Variants in OGDH observed in about 807,000 individuals in gnomAD.
OGDH encodes the protein oxoglutarate dehydrogenase, also known as 2-oxoglutarate dehydrogenase complex component E1.
In OGDH, 38 loss-of-function variants were observed where a neutral mutation model predicts 116.6. The observed-to-expected ratio is 0.33, with a 90% CI of 0.25 to 0.43. OGDH has a LOEUF of 0.43. Among genes scored for constraint, OGDH ranks in the 20% least tolerant of loss-of-function variants. The pLI is 1.00. For missense variants in OGDH, 825 were observed against 1,357.2 expected (o/e 0.61, Z 6.16); for synonymous variants, 488 against 533.3 (o/e 0.92, Z 1.17).
At chr7:44,658,939 A>T (rs1287162932) in intron 4 of OGDH, among the ~76,000 whole-genome samples, 1 of 152,000 alleles carries the variant, frequency 6.6e-6, no homozygotes, top group African/African-American at 2.4e-5. Context: ...AGGTTCAAGC[A>T]ATTCTCCCAC....
intron 5 of OGDH, among the ~76,000 whole-genome samples, chr7:44,667,178 T>G (rs981609970): frequency 6.6e-6 from 1 of 152,134 alleles, no homozygotes; most frequent in African/African-American, 2.4e-5. Flanking sequence ...CTCAAATGCC[T>G]GGGCTCAAGT....
At chr7:44,701,927 C>G (rs1205808946) in intron 20 of OGDH, among the ~76,000 whole-genome samples, 1 of 152,080 alleles carries the variant, frequency 6.6e-6, no homozygotes, top group African/African-American at 2.4e-5. Flanking sequence ...CAAAATTAGC[C>G]AGGCGTAGTG....
chr7:44,683,473 C>T (rs1016825221), intron 10 of OGDH, among the ~76,000 whole-genome samples: 2 of 152,126 alleles, frequency 1.3e-5, no homozygotes, highest in African/African-American at 2.4e-5. Context: ...TCAAGTGATC[C>T]TCCCATCTTG....
intron 20 of OGDH, among the ~76,000 whole-genome samples, chr7:44,704,032 T>C (rs1412423933): frequency 1.3e-5 from 2 of 152,232 alleles, no homozygotes; most frequent in African/African-American, 4.8e-5. Context: ...TGTACAAATA[T>C]TTCTTTGAGT....
chr7:44,616,746 TGTATATGTGTATATATATACAC>T (rs1001853765), intron 1 of OGDH, among the ~76,000 whole-genome samples: 10 of 145,296 alleles, frequency 6.9e-5, no homozygotes, highest in South Asian at 4.2e-4. Context: ...CGTATATAAG[TGTATATGTGTATATATATACAC>T]GTATATGTGT....
intron 2 of OGDH, among the ~76,000 whole-genome samples, chr7:44,628,022 C>T (rs1407775112): frequency 1.3e-5 from 2 of 152,134 alleles, no homozygotes; most frequent in African/African-American, 2.4e-5. Context: ...TCCAAGCATA[C>T]ATAACAGTAG....
intron 1 of OGDH, among the ~76,000 whole-genome samples, chr7:44,617,576 C>G (rs908098456): frequency 6.6e-6 from 1 of 152,168 alleles, no homozygotes; most frequent in Non-Finnish European, 1.5e-5. Context: ...AGATTCTCAG[C>G]CAATAAGGGA....
chr7:44,697,309 C>G lies in OGDH; in HGVS notation c.2052-61C>G, dbSNP rs766853916. On this transcript the variant is annotated intron_variant, in intron 15 of 22. Coordinates refer to ENST00000222673, the MANE Select transcript of OGDH (RefSeq NM_002541.4). This position sits in a 1 kb window ranked among gnomAD's most constrained non-coding sequence, Gnocchi z 6.0. ...CATCTGCTGGTGCTTCGTGCGGGTCCCCAGCGTATTTGCTTGTCAAGTCAG... is the reference window on the plus strand; with the variant it reads ...CATCTGCTGGTGCTTCGTGCGGGTCGCCAGCGTATTTGCTTGTCAAGTCAG... The G allele has an allele frequency of 1.2e-6, 2 of 1,604,476 alleles. No homozygotes were observed. The highest frequency in any genetic ancestry group is 1.7e-5 in the Admixed American group (1 of 59,678).
chr7:44,635,627 T>C (rs1160377361), intron 2 of OGDH, among the ~76,000 whole-genome samples: 1 of 152,140 alleles, frequency 6.6e-6, no homozygotes, highest in East Asian at 1.9e-4. Context: ...GTCATAGAGC[T>C]TGGGCTAAGT....
At chr7:44,620,300 C>T (rs1327480472) in intron 1 of OGDH, among the ~76,000 whole-genome samples, 2 of 152,250 alleles carry the variant, frequency 1.3e-5, no homozygotes, top group Non-Finnish European at 2.9e-5. Flanking sequence ...AGATTACAGG[C>T]GTGAGCTACC....
chr7:44,663,125 CT>C (rs1373825829), intron 4 of OGDH, among the ~76,000 whole-genome samples: 1 of 152,022 alleles, frequency 6.6e-6, no homozygotes, highest in Non-Finnish European at 1.5e-5. Context: ...TTTTTATTTC[CT>C]TTCTGTTCTT....
At chr7:44,661,623 G>A (rs377617708) in intron 4 of OGDH, among the ~76,000 whole-genome samples, 20 of 150,768 alleles carry the variant, frequency 1.3e-4, no homozygotes, top group Middle Eastern at 3.4e-3. Flanking sequence ...TTTTTGAGAC[G>A]GAGTTTCGCT....
intron 20 of OGDH, among the ~76,000 whole-genome samples, chr7:44,705,858 T>A (rs560997056): frequency 6.6e-6 from 1 of 152,390 alleles, no homozygotes; most frequent in South Asian, 2.1e-4. Flanking sequence ...CCGAGTACGA[T>A]ACATGTTTGT....
intron 1 of OGDH, among the ~76,000 whole-genome samples, chr7:44,616,475 T>C (rs891194862): frequency 6.6e-6 from 1 of 152,098 alleles, no homozygotes; most frequent in African/African-American, 2.4e-5. Flanking sequence ...CTGTGCTAAA[T>C]GATGGAGACA....
chr7:44,696,116 CT>C lies in OGDH; in HGVS notation c.1761del (p.Trp589GlyfsTer21). 1 of 1,605,152 alleles carries C rather than the reference CT, an allele frequency of 6.2e-7. No homozygotes were observed. The highest frequency in any genetic ancestry group is 8.5e-7 in the Non-Finnish European group (1 of 1,171,824). ...KILHIKHWLD[S>X]PWPGFFTLDG... ...TTGCACATTAAGCACTGGCTGGACT[CT>C]CCCTGGCCTGGTGAGTGAAGAAACA... On this transcript the variant is annotated frameshift_variant, in exon 13 of 23. Coordinates refer to ENST00000222673, the MANE Select transcript of OGDH (RefSeq NM_002541.4). LOFTEE classifies it high-confidence loss of function.
At chr7:44,698,755 T>C (rs1307422191) in intron 18 of OGDH, among the ~76,000 whole-genome samples, 1 of 151,616 alleles carries the variant, frequency 6.6e-6, no homozygotes. Context: ...GTGGGAGGAT[T>C]GCTTGAGCTT....
rs780194936 is a variant in OGDH, at chr7:44,696,076, A to C, written c.1720A>C (p.Lys574Gln). The C allele has an allele frequency of 6.2e-7, 1 of 1,613,622 alleles. No homozygotes were observed. The highest frequency in any genetic ancestry group is 8.5e-7 in the Non-Finnish European group (1 of 1,179,556). ...KICEEAFARS[K>Q]DEKILHIKHW... ...CTGTGAGGAAGCTTTTGCCAGATCTAAAGATGAGAAGATCTTGCACATTAA... is the reference window on the plus strand; with the variant it reads ...CTGTGAGGAAGCTTTTGCCAGATCTCAAGATGAGAAGATCTTGCACATTAA... The change falls in exon 13 of 23, where the codon AAA becomes CAA. Residue 574 changes from lysine to glutamine, a missense_variant. Lys to Gln is a moderately conservative substitution (Grantham distance 53). Around this residue, in one of 7 missense-constraint regions of OGDH, gnomAD observed 146 missense variants for 317.3 expected, o/e 0.46. Coordinates refer to ENST00000222673, the MANE Select transcript of OGDH (RefSeq NM_002541.4).
In OGDH at chr7:44,691,360, CACAAA is replaced by C. The variant is rs986657529; in HGVS notation, c.1336-2448_1336-2444del. On this transcript the variant is annotated intron_variant, in intron 10 of 22. Coordinates refer to ENST00000222673, the MANE Select transcript of OGDH (RefSeq NM_002541.4). ...GCAACAAAGTGAGACCCTGTCTCTA[CACAAA>C]ACAAAACAAAACAAAAATTAGCCAG... is the stretch of plus-strand genomic sequence containing the variant. Among the ~76,000 whole-genome samples, 7 of 151,546 alleles carry C rather than the reference CACAAA, an allele frequency of 4.6e-5. No individual in the cohort carries two copies. The East Asian group carries it at 9.8e-4, about 21-fold the overall frequency.
At chr7:44,662,900 TATC>T (rs140668664) in intron 4 of OGDH, among the ~76,000 whole-genome samples, 16,624 of 152,196 alleles carry the variant, frequency 0.11, 1,908 homozygotes, top group East Asian at 0.36. Context: ...GAAGTTTAAT[TATC>T]ATGTGTTTTG....
Sources: gnomAD v4.1 joint callset for allele counts (sites outside exome capture counted in the v4.1 genomes callset) on GRCh38, gnomAD v4.1.1 for gene constraint, gnomAD v4.1.1 regional missense constraint, Gnocchi (gnomAD v3.1) non-coding constraint, MANE v1.5 for transcripts, NCBI Gene and HGNC (gene_info 2026-07-23, HGNC 2026-07-21) for gene names.